Variants in INPP5D observed in about 807,000 individuals in gnomAD.
INPP5D encodes phosphatidylinositol 3,4,5-trisphosphate 5-phosphatase 1.
A neutral mutation model predicts 122.9 loss-of-function variants in INPP5D; 33 were observed. That is an observed-to-expected ratio of 0.27 (90% CI 0.20 to 0.36). The LOEUF (loss-of-function observed/expected upper bound fraction) is 0.36. Ranked by LOEUF, INPP5D falls within the 10% of genes least tolerant of loss-of-function variation. The pLI, the probability that INPP5D is intolerant of heterozygous loss-of-function variation, is 1.00. For synonymous variants in INPP5D, 584 were observed against 576.2 expected, an observed-to-expected ratio of 1.01 and a Z score of -0.19; for missense variants, 1,053 against 1,412.7, an observed-to-expected ratio of 0.75 and a Z score of 4.08.
chr2:233,085,044 A>G (rs1299579884), intron 2 of INPP5D, among the ~76,000 whole-genome samples: 2 of 152,180 alleles, frequency 1.3e-5, no homozygotes, highest in African/African-American at 4.8e-5. Context: ...TCTTGGAACC[A>G]ACTGTTCGCT....
rs537885797 is a variant in INPP5D, at chr2:233,147,497, T to C, written c.933T>C (p.Pro311=). The C allele has an allele frequency of 1.4e-4, 102 of 704,268 alleles. No homozygotes were observed. Among genetic ancestry groups the C allele is most frequent in the Admixed American group, 4.2e-4 (21 of 50,022 alleles). The allele number at this position is 704,268 out of a possible 1,614,324, so 43.6% of individuals were successfully genotyped here. ...TGAAGGCAGAGTCTCTGGGGATTCC[T>C]CAGAAAATGCAGCTCAAAGTCGACG... ...FEVKAESLGI[P]QKMQLKVDVE... The change falls in exon 9 of 27, where the codon CCT becomes CCC. Residue 311 remains proline (P), a synonymous_variant. Transcript: ENST00000445964.
intron 22 of INPP5D, among the ~76,000 whole-genome samples, chr2:233,192,277 G>A (rs141870997): frequency 7.9e-5 from 12 of 152,252 alleles, no homozygotes; most frequent in African/African-American, 2.2e-4. Context: ...GTATTTCTGC[G>A]ACACGGCAAG....
intron 18 of INPP5D, among the ~76,000 whole-genome samples, chr2:233,180,754 AT>A (rs1402792820): frequency 6.6e-6 from 1 of 150,790 alleles, no homozygotes; most frequent in Admixed American, 6.6e-5. Flanking sequence ...GGCCAGGCTG[AT>A]CTCGAACTCC....
chr2:233,141,796 G>A (rs1320165638), intron 6 of INPP5D, among the ~76,000 whole-genome samples: 1 of 152,130 alleles, frequency 6.6e-6, no homozygotes, highest in African/African-American at 2.4e-5. Flanking sequence ...AAAGGGCCAC[G>A]CTGGTCACCA....
chr2:233,173,255 TACC>T (rs1415330990), intron 17 of INPP5D, among the ~76,000 whole-genome samples: 1 of 151,072 alleles, frequency 6.6e-6, no homozygotes, highest in Non-Finnish European at 1.5e-5. Context: ...ATAGGGCACT[TACC>T]ATGAATGAAG....
In INPP5D at chr2:233,171,119, C is replaced by G. The variant is rs1237792422; in HGVS notation, c.1956C>G (p.Asp652Glu). Residue 652 changes from aspartate to glutamate, a missense_variant, in exon 17 of 27, where the codon GAC becomes GAG. By Grantham distance (45) the Asp-to-Glu change is conservative. This residue lies in a region of INPP5D where 258 missense variants were observed against 439.1 expected (regional missense o/e 0.59). Transcript: ENST00000445964. ...PTYRFERLTR[D>E]KYAYTKQKAT... ...ACCGTTTTGAGAGACTGACTCGGGA[C>G]AAATACGCCTACACCAAGCAGAAAG... is the stretch of plus-strand genomic sequence containing the variant. 6.4e-7 allele frequency: 1 copy of G among 1,561,490 alleles called. No individual in the cohort carries two copies. The highest frequency in any genetic ancestry group is 1.1e-5 in the South Asian group (1 of 90,430).
rs4571051 is a variant in INPP5D at position 233,182,512 on chromosome 2, T to C, written c.2161+13T>C. 1,064,713 of 1,611,990 alleles carry C rather than the reference T, an allele frequency of 0.66. 358,132 individuals are homozygous for C. Among genetic ancestry groups the C allele is most frequent in the East Asian group, 0.95 (42,710 of 44,792 alleles). On this transcript the variant is annotated intron_variant, in intron 19 of 26. Transcript: ENST00000445964. Reference sequence around the variant, plus strand: ...GTCTCCAAGAACGGTAAGCAAAGGATGGTGTCTGTTTCTCTGTTTTCCTCA... The same window carrying C: ...GTCTCCAAGAACGGTAAGCAAAGGACGGTGTCTGTTTCTCTGTTTTCCTCA...
chr2:233,148,295 T>A (rs1693822519), intron 9 of INPP5D, among the ~76,000 whole-genome samples: 1 of 39,142 alleles, frequency 2.6e-5, no homozygotes, highest in African/African-American at 1.5e-4. Flanking sequence ...AATGATCAGA[T>A]GGATGATCCA....
chr2:233,094,316 C>A (rs1364158616), intron 2 of INPP5D, among the ~76,000 whole-genome samples: 1 of 151,582 alleles, frequency 6.6e-6, no homozygotes, highest in Non-Finnish European at 1.5e-5. Context: ...AGTTCGAGAC[C>A]AGACTGACCA....
At chr2:233,079,268 T>A in intron 1 of INPP5D, 67 bp from the exon 2 acceptor site, 1 of 985,066 alleles carries the variant, frequency 1.0e-6, no homozygotes, top group South Asian at 1.3e-5. Context: ...GGAAGTCTTG[T>A]CTTTTCAGTT....
intron 2 of INPP5D, among the ~76,000 whole-genome samples, chr2:233,090,093 C>T (rs575707078): frequency 1.5e-3 from 221 of 152,354 alleles, no homozygotes; most frequent in Middle Eastern, 0.014. Context: ...CTCAGTCGCC[C>T]GAGTGTCTGC....
chr2:233,178,670 G>T (rs1694707350), intron 18 of INPP5D, among the ~76,000 whole-genome samples: 1 of 152,064 alleles, frequency 6.6e-6, no homozygotes, highest in Admixed American at 6.6e-5. Flanking sequence ...TTTTAGTAGA[G>T]ATGGGGTTAC....
chr2:233,143,265 C>T (rs1693667137), intron 6 of INPP5D, among the ~76,000 whole-genome samples: 1 of 152,172 alleles, frequency 6.6e-6, no homozygotes, highest in South Asian at 2.1e-4. Context: ...GCACGAACGC[C>T]CTGTTTGTCA....
intron 9 of INPP5D, among the ~76,000 whole-genome samples, chr2:233,150,619 G>C (rs552205536): frequency 1.3e-5 from 2 of 152,128 alleles, no homozygotes; most frequent in Non-Finnish European, 2.9e-5. Flanking sequence ...CACCTCCCAG[G>C]GTTCTCAGAA....
At chr2:233,172,150 C>T (rs1252315409) in intron 17 of INPP5D, among the ~76,000 whole-genome samples, 1 of 152,208 alleles carries the variant, frequency 6.6e-6, no homozygotes, top group Non-Finnish European at 1.5e-5. Context: ...GGGTCCACTG[C>T]CTGCTGTGTG....
chr2:233,116,276 G>GATATAGATATAGAT (rs936035151), intron 2 of INPP5D, among the ~76,000 whole-genome samples: 8 of 151,494 alleles, frequency 5.3e-5, no homozygotes, highest in South Asian at 2.1e-4. Flanking sequence ...TATAGATATA[G>GATATAGATATAGAT]ATATAGATAT....
chr2:233,077,908 T>C (rs1222934812), intron 1 of INPP5D, among the ~76,000 whole-genome samples: 1 of 151,214 alleles, frequency 6.6e-6, no homozygotes, highest in East Asian at 1.9e-4. Flanking sequence ...CAATAACATA[T>C]GTAAATGCTC....
At chr2:233,120,104 A>G (rs1692927003) in intron 2 of INPP5D, among the ~76,000 whole-genome samples, 1 of 152,182 alleles carries the variant, frequency 6.6e-6, no homozygotes, top group African/African-American at 2.4e-5. Flanking sequence ...TCCCTCCAGA[A>G]AGAAGGTAGC....
chr2:233,091,774 T>C (rs1189387303), intron 2 of INPP5D, among the ~76,000 whole-genome samples: 1 of 152,194 alleles, frequency 6.6e-6, no homozygotes, highest in Non-Finnish European at 1.5e-5. Context: ...GAGGCCGTTA[T>C]TTTTTCTACC....
Sources: allele counts gnomAD v4.1 joint callset (sites outside exome capture counted in the v4.1 genomes callset), GRCh38; gene constraint gnomAD v4.1.1; regional missense constraint gnomAD v4.1.1; transcripts MANE v1.5; gene names NCBI Gene and HGNC (gene_info 2026-07-23, HGNC 2026-07-21).